The following ACTN2 variants were observed in gnomAD, a reference collection of about 807,000 sequenced individuals.
ACTN2 encodes the protein actinin alpha 2, also known as alpha-actinin-2.
In ACTN2, 39 loss-of-function variants were observed where a neutral mutation model predicts 113.8. That is an observed-to-expected ratio of 0.34 (90% CI 0.27 to 0.45). ACTN2 has a LOEUF of 0.45. Ranked by LOEUF, ACTN2 falls within the 20% of genes least tolerant of loss-of-function variation. ACTN2 has a pLI of 1.00. For missense variants in ACTN2, 992 were observed against 1,177.9 expected, an observed-to-expected ratio of 0.84 and a Z score of 2.31; for synonymous variants, 429 against 444.1, an observed-to-expected ratio of 0.97 and a Z score of 0.43.
chr1:236,749,124 A>G lies in ACTN2; in HGVS notation c.1516A>G (p.Arg506Gly), dbSNP rs794728967. 1 of 1,614,162 alleles carries G rather than the reference A, an allele frequency of 6.2e-7. No homozygotes were observed. The change falls in exon 14 of 21, where the codon AGA (arginine) becomes GGA (glycine). Residue 506 changes from arginine to glycine, a missense_variant and splice_region_variant. Physicochemically the swap from Arg to Gly is moderately radical, Grantham distance 125 (BLOSUM62 -2). This residue lies in a region of ACTN2 where 736 missense variants were observed against 815.4 expected (regional missense o/e 0.90). Coordinates refer to ENST00000366578, the MANE Select transcript of ACTN2 (RefSeq NM_001103.4). Reference protein sequence around the residue: ...LTQKRREALERMEKLLETIDQ... With the variant: ...LTQKRREALEGMEKLLETIDQ... ...ATGCTTGCTTCTCTTTATTCTTTAG[A>G]GAATGGAGAAATTGCTAGAAACCAT... is the stretch of plus-strand genomic sequence containing the variant.
In ACTN2 at chr1:236,760,922, A is replaced by G. The variant is rs563730956; in HGVS notation, c.2368-93A>G. On this transcript the variant is annotated intron_variant, in intron 19 of 20. Transcript: ENST00000366578. Reference sequence around the variant, plus strand: ...GTAATAATTCAGTTTTCAGACATAAAGGAATTGGCATGTCACCAGGGAAAG... The same window carrying G: ...GTAATAATTCAGTTTTCAGACATAAGGGAATTGGCATGTCACCAGGGAAAG... 2.3e-5 allele frequency: 35 copies of G among 1,505,086 alleles called. No individual in the cohort carries two copies. The African/African-American group carries it at 3.7e-4, about 16-fold the overall frequency. 93.2% of individuals were successfully genotyped at this position (1,505,086 alleles called of 1,614,324 possible).
chr1:236,696,297 G>A (rs1001230158), intron 1 of ACTN2, among the ~76,000 whole-genome samples: 2 of 142,128 alleles, frequency 1.4e-5, no homozygotes, highest in Non-Finnish European at 3.0e-5. Context: ...CAGCTTCGGT[G>A]ACAGAAGAAG....
rs767291633 is a variant in ACTN2 at position 236,744,665 on chromosome 1, C to T, written c.1295C>T (p.Ala432Val). 1.9e-5 allele frequency: 31 copies of T among 1,614,094 alleles called. No homozygotes were observed. The East Asian group carries it at 2.2e-4, about 12-fold the overall frequency. ...TTGCTGCAGAAGGATTACGAGTCGG[C>T]GTCGCTGACAGAGGTGCGGGCTCTG... ...QILLQKDYES[A>V]SLTEVRALLR... The change falls in exon 12 of 21, where the codon GCG (alanine) becomes GTG (valine). Residue 432 changes from alanine to valine, a missense_variant. Physicochemically the swap from Ala to Val is moderately conservative, Grantham distance 64. Coordinates refer to ENST00000366578, the MANE Select transcript of ACTN2 (RefSeq NM_001103.4).
chr1:236,691,504 G>T (rs1033219316), intron 1 of ACTN2, among the ~76,000 whole-genome samples: 1 of 151,608 alleles, frequency 6.6e-6, no homozygotes, highest in African/African-American at 2.4e-5. Context: ...ATTTAGCCAG[G>T]TGTGGTGGTG....
chr1:236,750,229 AG>A (rs1291680838), intron 14 of ACTN2, among the ~76,000 whole-genome samples: 3 of 152,210 alleles, frequency 2.0e-5, no homozygotes, highest in Non-Finnish European at 4.4e-5. Context: ...TCTGTAAAAT[AG>A]ATATGTCATC....
chr1:236,724,745 C>T (rs1440200745), intron 4 of ACTN2, among the ~76,000 whole-genome samples: 1 of 151,980 alleles, frequency 6.6e-6, no homozygotes, highest in African/African-American at 2.4e-5. Context: ...CTGCAGCTGG[C>T]ACGTCAGTTG....
intron 7 of ACTN2, among the ~76,000 whole-genome samples, chr1:236,732,694 C>T (rs1212910631): frequency 2.6e-5 from 4 of 152,086 alleles, no homozygotes; most frequent in Non-Finnish European, 4.4e-5. Flanking sequence ...CCACCTACTT[C>T]GGCCTCCCAA....
chr1:236,715,071 G>C (rs1462879402), intron 1 of ACTN2, among the ~76,000 whole-genome samples: 2 of 152,204 alleles, frequency 1.3e-5, no homozygotes, highest in African/African-American at 4.8e-5. Context: ...TTCCTTATGG[G>C]GTAGGGCATT....
At chr1:236,746,506 G>A (rs1037253807) in intron 12 of ACTN2, among the ~76,000 whole-genome samples, 7 of 151,890 alleles carry the variant, frequency 4.6e-5, no homozygotes, top group African/African-American at 1.2e-4. Context: ...CCAGGAGTTC[G>A]AGACCAGCCT....
At chr1:236,738,095 C>T (rs573796833) in intron 9 of ACTN2, among the ~76,000 whole-genome samples, 8 of 152,298 alleles carry the variant, frequency 5.3e-5, no homozygotes, top group East Asian at 3.9e-4. Flanking sequence ...CTGCAACCTC[C>T]GCCCCCAGGG....
intron 1 of ACTN2, among the ~76,000 whole-genome samples, chr1:236,698,237 C>A (rs557663678): frequency 0.018 from 2,441 of 132,322 alleles, 22 homozygotes; most frequent in Middle Eastern, 0.07. Context: ...AAAAAAAAAA[C>A]ATGATGTAGA....
At position 236,719,085 on chromosome 1, in the gene ACTN2, T is replaced by A. The variant is rs905266034; in HGVS notation, c.361+72T>A. ...CGTAGGTGTGGGCTGCGACTTGAAT[T>A]CTCCCCTTCTTCCCTCCCTTTCACC... On this transcript the variant is annotated intron_variant, in intron 3 of 20. Coordinates refer to ENST00000366578, the MANE Select transcript of ACTN2 (RefSeq NM_001103.4). 23 of 1,600,156 alleles carry A rather than the reference T, an allele frequency of 1.4e-5. No individual in the cohort carries two copies. The African/African-American group carries it at 3.1e-4, about 21-fold the overall frequency.
At chr1:236,710,920 T>G (rs567039677) in intron 1 of ACTN2, among the ~76,000 whole-genome samples, 4 of 152,040 alleles carry the variant, frequency 2.6e-5, no homozygotes, top group Non-Finnish European at 5.9e-5. Context: ...AAAAATTGTC[T>G]TCCACGAAAC....
rs749780840 is a variant in ACTN2, at chr1:236,761,007, T to G, written c.2368-8T>G. ...TCGTGTACATGTTTCTTTGCCACTTTGCCCCAGGGTGAAGCCGAATTTGCC... is the reference window on the plus strand; with the variant it reads ...TCGTGTACATGTTTCTTTGCCACTTGGCCCCAGGGTGAAGCCGAATTTGCC... On this transcript the variant is annotated splice_polypyrimidine_tract_variant and splice_region_variant and intron_variant, in intron 19 of 20. Coordinates refer to ENST00000366578, the MANE Select transcript of ACTN2 (RefSeq NM_001103.4). 4 of 1,614,232 alleles carry G rather than the reference T, an allele frequency of 2.5e-6. No homozygotes were observed. In the South Asian group the frequency reaches 4.4e-5, roughly 18 times the overall value.
chr1:236,709,599 A>G (rs2102881209), intron 1 of ACTN2, among the ~76,000 whole-genome samples: 1 of 152,014 alleles, frequency 6.6e-6, no homozygotes, highest in South Asian at 2.1e-4. Context: ...AAGGCTTGGA[A>G]TTGACCAAGC....
chr1:236,732,074 C>A (rs1658726533), intron 7 of ACTN2, among the ~76,000 whole-genome samples: 1 of 152,216 alleles, frequency 6.6e-6, no homozygotes, highest in African/African-American at 2.4e-5. Context: ...TTATTATTCC[C>A]TAGTGGTCCA....
chr1:236,735,719 A>T lies in ACTN2; in HGVS notation c.782A>T (p.Gln261Leu), dbSNP rs189862112. The T allele has an allele frequency of 6.2e-7, 1 of 1,614,016 alleles. No homozygotes were observed. The change falls in exon 8 of 21, where the codon CAG (glutamine) becomes CTG (leucine). Residue 261 changes from glutamine (Q) to leucine (L), a missense_variant and splice_region_variant. By Grantham distance (113) the Gln-to-Leu change is moderately radical. Transcript: ENST00000366578. ...TACCACGCTTTTGCGGGCGCGGAGC[A>T]GGTACTCAACACTTGTCCGTCCGGG... is the stretch of plus-strand genomic sequence containing the variant. ...CFYHAFAGAEQAETAANRICK... is the reference protein window; with the variant it reads ...CFYHAFAGAELAETAANRICK...
At chr1:236,723,086 G>T (rs1357068870) in intron 4 of ACTN2, among the ~76,000 whole-genome samples, 1 of 152,164 alleles carries the variant, frequency 6.6e-6, no homozygotes, top group Admixed American at 6.5e-5. Context: ...AACTTCAGTG[G>T]CAATTTTAAG....
chr1:236,735,825 A>T, intron 8 of ACTN2, 105 bp downstream of exon 8: 1 of 1,064,036 alleles, frequency 9.4e-7, no homozygotes, highest in African/African-American at 1.6e-5. Flanking sequence ...TTACCTTGGA[A>T]TCTTTCTGAG....
Sources: allele counts gnomAD v4.1 joint callset (sites outside exome capture counted in the v4.1 genomes callset), GRCh38; gene constraint gnomAD v4.1.1; regional missense constraint gnomAD v4.1.1; transcripts MANE v1.5; gene names NCBI Gene and HGNC (gene_info 2026-07-23, HGNC 2026-07-21).